Variants in EYS observed in about 807,000 individuals in gnomAD.
The protein encoded by EYS is protein eyes shut homolog.
A neutral mutation model predicts 282.1 loss-of-function variants in EYS; 250 were observed. The observed-to-expected ratio is 0.89, with a 90% CI of 0.80 to 0.98. EYS has a LOEUF of 0.98. EYS is among the 50% of genes least tolerant of loss of function. The probability of loss-of-function intolerance (pLI) is 0.00; values close to 1 mark genes in which losing one functional copy is unlikely to be tolerated. For synonymous variants in EYS, 1,355 were observed against 1,282.9 expected, an observed-to-expected ratio of 1.06 and a Z score of -1.20; for missense variants, 4,016 against 3,709.0, an observed-to-expected ratio of 1.08 and a Z score of -2.15.
intron 30 of EYS, among the ~76,000 whole-genome samples, chr6:64,299,767 G>A (rs914936245): frequency 6.6e-6 from 1 of 152,186 alleles, no homozygotes; most frequent in African/African-American, 2.4e-5. Context: ...TCAGAAGAAG[G>A]TATGCTAAAC....
chr6:64,962,823 A>G (rs1289169210), intron 14 of EYS, among the ~76,000 whole-genome samples: 3 of 152,184 alleles, frequency 2.0e-5, no homozygotes, highest in African/African-American at 7.2e-5. Flanking sequence ...ATTACCGAAG[A>G]GTAAGTATAT....
chr6:65,198,169 C>T (rs1277572755), intron 12 of EYS, among the ~76,000 whole-genome samples: 1 of 151,992 alleles, frequency 6.6e-6, no homozygotes, highest in Non-Finnish European at 1.5e-5. Context: ...CTTAGACCTA[C>T]ACACAATAAG....
chr6:64,647,095 A>C (rs904276545), intron 22 of EYS, among the ~76,000 whole-genome samples: 5 of 152,322 alleles, frequency 3.3e-5, no homozygotes, highest in Admixed American at 3.3e-4. Context: ...TTCTACTTCA[A>C]GAAGTAATAT....
At chr6:64,801,464 A>G (rs891912252) in intron 22 of EYS, among the ~76,000 whole-genome samples, 2 of 152,098 alleles carry the variant, frequency 1.3e-5, no homozygotes, top group African/African-American at 4.8e-5. Context: ...ATCCAAAGTT[A>G]CTTACATATA....
intron 1 of EYS, among the ~76,000 whole-genome samples, chr6:65,646,675 GCAAT>G (rs1470399784): frequency 6.6e-6 from 1 of 152,118 alleles, no homozygotes; most frequent in African/African-American, 2.4e-5. Flanking sequence ...TCTAGCTAGA[GCAAT>G]CAGACCAGAA....
In EYS at chr6:64,789,518, A is replaced by G. The variant is rs190092151; in HGVS notation, c.3443+23860T>C. Among the ~76,000 whole-genome samples the G allele has an allele frequency of 5.3e-5, 8 of 152,296 alleles. No homozygotes were observed. The East Asian group carries it at 1.5e-3, about 29-fold the overall frequency. ...ACCAACCACCAAATTGTCCACTAAA[A>G]TAATGTCTTTCTTTATATTTTTAAT... On this transcript the variant is annotated intron_variant, in intron 22 of 42. Coordinates refer to ENST00000503581, the MANE Select transcript of EYS (RefSeq NM_001142800.2).
intron 12 of EYS, among the ~76,000 whole-genome samples, chr6:65,286,771 T>G (rs1016584993): frequency 5.9e-5 from 9 of 151,814 alleles, no homozygotes; most frequent in African/African-American, 2.2e-4. Flanking sequence ...AACCCACACT[T>G]TAAAATTATC....
chr6:64,029,814 C>T (rs906775256), intron 33 of EYS, among the ~76,000 whole-genome samples: 1 of 152,192 alleles, frequency 6.6e-6, no homozygotes, highest in Admixed American at 6.5e-5. Context: ...AGCCTTAGAA[C>T]TGGGAAAGGG....
intron 41 of EYS, among the ~76,000 whole-genome samples, chr6:63,734,562 G>A (rs971676342): frequency 2.0e-5 from 3 of 152,122 alleles, no homozygotes; most frequent in South Asian, 4.1e-4. Context: ...TATCAGAGAA[G>A]TAGCAGTGGA....
At chr6:64,613,926 T>G (rs1430133973) in intron 24 of EYS, among the ~76,000 whole-genome samples, 1 of 152,112 alleles carries the variant, frequency 6.6e-6, no homozygotes, top group Non-Finnish European at 1.5e-5. Flanking sequence ...TTACCAGAGC[T>G]TAGTTGACCT....
chr6:65,402,957 C>T (rs1463110843), intron 6 of EYS, among the ~76,000 whole-genome samples: 1 of 152,052 alleles, frequency 6.6e-6, no homozygotes, highest in Non-Finnish European at 1.5e-5. Flanking sequence ...CCACCATGCT[C>T]TCAGGAAGCG....
chr6:64,016,234 CTTTA>C (rs2149815109), intron 33 of EYS, among the ~76,000 whole-genome samples: 1 of 152,218 alleles, frequency 6.6e-6, no homozygotes, highest in African/African-American at 2.4e-5. Flanking sequence ...GAATTATTTA[CTTTA>C]TTTAATAAAC....
chr6:63,820,903 A>G (rs4142266), intron 36 of EYS, among the ~76,000 whole-genome samples: 60,645 of 151,948 alleles, frequency 0.4, 13,301 homozygotes, highest in African/African-American at 0.57. Context: ...TTTATTTTTT[A>G]TATTTTCACT....
At chr6:65,576,031 A>G (rs1582474898) in intron 2 of EYS, among the ~76,000 whole-genome samples, 2 of 152,038 alleles carry the variant, frequency 1.3e-5, no homozygotes, top group South Asian at 4.1e-4. Flanking sequence ...ATTCTTCTCA[A>G]ACTCCTCCAA....
chr6:65,204,858 C>T (rs569741637), intron 12 of EYS, among the ~76,000 whole-genome samples: 4 of 148,202 alleles, frequency 2.7e-5, no homozygotes, highest in South Asian at 2.2e-4. Flanking sequence ...TCTGGAAGAA[C>T]GTATTTATAT....
chr6:64,738,925 T>C (rs562661024), intron 22 of EYS, among the ~76,000 whole-genome samples: 1 of 152,286 alleles, frequency 6.6e-6, no homozygotes, highest in South Asian at 2.1e-4. Flanking sequence ...ATCCCGCTAA[T>C]TTTTGTATTT....
At chr6:64,002,594 C>T (rs759411173) in intron 33 of EYS, among the ~76,000 whole-genome samples, 3 of 152,194 alleles carry the variant, frequency 2.0e-5, no homozygotes, top group African/African-American at 7.2e-5. Context: ...CTGCATGCTA[C>T]TTCTAGGGGT....
At chr6:65,329,408 A>T (rs1319172307) in intron 11 of EYS, 1 of 914,082 alleles carries the variant, frequency 1.1e-6, no homozygotes, top group African/African-American at 1.8e-5. Context: ...GGATTTAAGA[A>T]CCAAGATTAT....
chr6:65,144,318 TAA>T (rs1764420950), intron 12 of EYS, among the ~76,000 whole-genome samples: 1 of 152,148 alleles, frequency 6.6e-6, no homozygotes, highest in South Asian at 2.1e-4. Flanking sequence ...TAGTCTCAAG[TAA>T]AGAGTACGGA....
Sources: allele counts gnomAD v4.1 joint callset (sites outside exome capture counted in the v4.1 genomes callset), GRCh38; gene constraint gnomAD v4.1.1; transcripts MANE v1.5; gene names NCBI Gene and HGNC (gene_info 2026-07-23, HGNC 2026-07-21).